The following FGFR2 variants were observed in gnomAD, a reference collection of about 807,000 sequenced individuals.
FGFR2 encodes the protein BEK fibroblast growth factor receptor.
In FGFR2, 19 loss-of-function variants were observed where a neutral mutation model predicts 95.9. The ratio of observed to expected loss-of-function variants is 0.20; its 90% confidence interval spans 0.14 to 0.29. The LOEUF is 0.29. FGFR2 is among the 10% of genes least tolerant of loss of function. FGFR2 has a pLI of 1.00. For synonymous variants in FGFR2, 392 were observed against 393.3 expected (o/e 1.00, Z 0.04); for missense variants, 707 against 1,056.9 (o/e 0.67, Z 4.59).
At chr10:121,575,129 T>C (rs1859514028) in intron 2 of FGFR2, among the ~76,000 whole-genome samples, 1 of 152,230 alleles carries the variant, frequency 6.6e-6, no homozygotes, top group Non-Finnish European at 1.5e-5. Flanking sequence ...AAAAATTATA[T>C]ATTTAGGCAC....
At chr10:121,555,234 A>G (rs1481827421) in intron 4 of FGFR2, among the ~76,000 whole-genome samples, 2 of 152,170 alleles carry the variant, frequency 1.3e-5, no homozygotes, top group Non-Finnish European at 2.9e-5. Flanking sequence ...TTAGCTGGAC[A>G]TGGTGACGCA....
intron 4 of FGFR2, among the ~76,000 whole-genome samples, chr10:121,554,382 A>C (rs1855822105): frequency 6.7e-6 from 1 of 148,820 alleles, no homozygotes; most frequent in Non-Finnish European, 1.5e-5. Flanking sequence ...TCTGTTGCCC[A>C]GGCTGGAGTG....
At position 121,529,631 on chromosome 10, in the gene FGFR2, T is replaced by C. The variant is rs113469657; in HGVS notation, c.748+8961A>G. Reference sequence around the variant, plus strand: ...TTTGACCTGTAGATTTGCATACTTATTTGGGATGGACAGAATTCCTGCCAG... The same window carrying C: ...TTTGACCTGTAGATTTGCATACTTACTTGGGATGGACAGAATTCCTGCCAG... On this transcript the variant is annotated intron_variant, in intron 6 of 17. Coordinates refer to ENST00000358487, the MANE Select transcript of FGFR2 (RefSeq NM_000141.5). Among the ~76,000 whole-genome samples the C allele has an allele frequency of 2.4e-3, 366 of 152,330 alleles. 2 individuals carry two copies. Among genetic ancestry groups the C allele is most frequent in the African/African-American group, 8.5e-3 (352 of 41,584 alleles).
At chr10:121,529,488 A>C (rs1851818235) in intron 6 of FGFR2, among the ~76,000 whole-genome samples, 1 of 152,230 alleles carries the variant, frequency 6.6e-6, no homozygotes. Context: ...TAAAATGAAA[A>C]GTTCCTTTTT....
At chr10:121,487,182 A>G (rs946267129) in intron 15 of FGFR2, among the ~76,000 whole-genome samples, 172 bp downstream of exon 15, 1 of 152,242 alleles carries the variant, frequency 6.6e-6, no homozygotes, top group Non-Finnish European at 1.5e-5. Context: ...GATTAGTAAC[A>G]GAGCATTGGT....
At chr10:121,513,452 T>TA (rs1849311096) in intron 9 of FGFR2, among the ~76,000 whole-genome samples, 1 of 152,106 alleles carries the variant, frequency 6.6e-6, no homozygotes, top group Admixed American at 6.5e-5. Flanking sequence ...CTATATTAAG[T>TA]AAAAAGAAAA....
intron 2 of FGFR2, among the ~76,000 whole-genome samples, chr10:121,591,314 GT>G (rs886310352): frequency 5.3e-5 from 8 of 152,208 alleles, no homozygotes; most frequent in Non-Finnish European, 1.0e-4. Flanking sequence ...AAGCCTAGAT[GT>G]TTTTTGACAT....
At chr10:121,545,651 A>G (rs1854391993) in intron 5 of FGFR2, among the ~76,000 whole-genome samples, 1 of 152,210 alleles carries the variant, frequency 6.6e-6, no homozygotes, top group Admixed American at 6.5e-5. Context: ...ACATGCTGAT[A>G]AGTACATTAG....
chr10:121,527,684 T>A (rs977980912), intron 6 of FGFR2: 2 of 152,114 alleles, frequency 1.3e-5, no homozygotes, highest in African/African-American at 4.8e-5. Context: ...ACCTTCTCAA[T>A]CAGCGAGGTA....
rs1847128782 is a variant in FGFR2 at position 121,498,200 on chromosome 10, T to A, written c.1672+295A>T. ...TCTTAGCACTTACAAAACAAAAACA[T>A]AAGGAGGCTGCCTTTTCCAAAACCC... is the stretch of plus-strand genomic sequence containing the variant. On this transcript the variant is annotated intron_variant, in intron 12 of 17. Transcript: ENST00000358487. Among the ~76,000 whole-genome samples the A allele has an allele frequency of 2.0e-5, 3 of 152,214 alleles. No individual in the cohort carries two copies. In the East Asian group the frequency reaches 5.8e-4, roughly 29 times the overall value.
chr10:121,539,063 C>T (rs1005482513), intron 5 of FGFR2, among the ~76,000 whole-genome samples: 10 of 152,208 alleles, frequency 6.6e-5, no homozygotes, highest in African/African-American at 1.2e-4. Context: ...CACGGGCAGG[C>T]GAGCTACCAG....
rs1590044433 is a variant in FGFR2, at chr10:121,572,649, G to T, written c.110-6945C>A. Among the ~76,000 whole-genome samples, 3 of 152,088 alleles carry T rather than the reference G, an allele frequency of 2.0e-5. No individual in the cohort carries two copies. The East Asian group carries it at 5.8e-4, about 29-fold the overall frequency. On this transcript the variant is annotated intron_variant, in intron 2 of 17. Coordinates refer to ENST00000358487, the MANE Select transcript of FGFR2 (RefSeq NM_000141.5). The stretch of plus-strand genomic sequence containing the variant: ...AAAAAAAAACACAAATAAATAAATA[G>T]TATGAATAACAACAGGCATCTGCAC...
intron 5 of FGFR2, among the ~76,000 whole-genome samples, chr10:121,539,308 T>C (rs41295511): frequency 6.6e-6 from 1 of 152,336 alleles, no homozygotes; most frequent in Non-Finnish European, 1.5e-5. Flanking sequence ...GCTGAATAGA[T>C]ATACATGTTC....
chr10:121,592,802 C>T (rs933525390), intron 2 of FGFR2, among the ~76,000 whole-genome samples: 45 of 152,264 alleles, frequency 3.0e-4, no homozygotes, highest in African/African-American at 9.4e-4. Context: ...GTGGACTCTC[C>T]ACAAACAGGT....
At position 121,485,994 on chromosome 10, in the gene FGFR2, C is replaced by T. The variant is rs1845359816; in HGVS notation, c.2058-462G>A. 6.6e-6 allele frequency among the ~76,000 whole-genome samples: 1 copy of T among 152,110 alleles called. No individual in the cohort carries two copies. The highest frequency in any genetic ancestry group is 2.1e-4 in the South Asian group (1 of 4,832). ...CATCTGCTGCACAGAGGCTCTGGAA[C>T]TTACTAAGATCGCAAAGGCAATCAG... On this transcript the variant is annotated intron_variant, in intron 15 of 17. Transcript: ENST00000358487. The surrounding 1 kb of genome is among the most constrained non-coding windows in gnomAD (Gnocchi z 4.2).
chr10:121,589,385 A>G (rs908492646), intron 2 of FGFR2, among the ~76,000 whole-genome samples: 12 of 152,226 alleles, frequency 7.9e-5, no homozygotes, highest in Non-Finnish European at 1.5e-4. Context: ...TTTCATAGCC[A>G]TGTAATTATT....
At chr10:121,534,091 CTTTTTTTTTTT>C (rs1022674124) in intron 6 of FGFR2, among the ~76,000 whole-genome samples, 6 of 92,120 alleles carry the variant, frequency 6.5e-5, no homozygotes, top group Admixed American at 5.8e-4. Flanking sequence ...CCCAAAATGG[CTTTTTTTTTTT>C]TTTTTTTTTT....
At chr10:121,514,249 G>C (rs78198552) in intron 9 of FGFR2, among the ~76,000 whole-genome samples, 60 of 152,296 alleles carry the variant, frequency 3.9e-4, no homozygotes, top group African/African-American at 1.3e-3. Flanking sequence ...AAATGCTTTT[G>C]TAAACGTTCT....
At chr10:121,492,353 T>G (rs536044481) in intron 13 of FGFR2, among the ~76,000 whole-genome samples, 1 of 152,212 alleles carries the variant, frequency 6.6e-6, no homozygotes, top group South Asian at 2.1e-4. Flanking sequence ...CACCATGGTG[T>G]TTTTTCACTT....
Sources: allele counts gnomAD v4.1 joint callset (sites outside exome capture counted in the v4.1 genomes callset), GRCh38; gene constraint gnomAD v4.1.1; non-coding constraint Gnocchi (gnomAD v3.1); transcripts MANE v1.5; gene names NCBI Gene and HGNC (gene_info 2026-07-23, HGNC 2026-07-21).